Variants in TCEA3 observed in about 807,000 individuals in gnomAD.
TCEA3 encodes transcription elongation factor A3.
A neutral mutation model predicts 44.0 loss-of-function variants in TCEA3; 36 were observed. The observed-to-expected ratio is 0.82, with a 90% CI of 0.63 to 1.08. The LOEUF (loss-of-function observed/expected upper bound fraction) is 1.08, where lower values mean the gene tolerates loss of function less well. Among genes scored for constraint, TCEA3 ranks in the 50% least tolerant of loss-of-function variants. The probability of loss-of-function intolerance (pLI) is 0.00; values close to 1 mark genes in which losing one functional copy is unlikely to be tolerated. For synonymous variants in TCEA3, 162 were observed against 159.7 expected, an observed-to-expected ratio of 1.01 and a Z score of -0.11; for missense variants, 392 against 441.2, an observed-to-expected ratio of 0.89 and a Z score of 1.00.
At chr1:23,390,205 A>G (rs1372932511) in intron 8 of TCEA3, among the ~76,000 whole-genome samples, 2 of 152,186 alleles carry the variant, frequency 1.3e-5, no homozygotes, top group Non-Finnish European at 2.9e-5. Flanking sequence ...GCAGTGGCTC[A>G]CACATGTAAT....
At chr1:23,383,186 A>G (rs1362075914) in intron 10 of TCEA3, among the ~76,000 whole-genome samples, 3 of 151,358 alleles carry the variant, frequency 2.0e-5, no homozygotes, top group Non-Finnish European at 4.4e-5. Context: ...AGGCTGAGGC[A>G]GGAGAATGGT....
chr1:23,401,060 T>TGGAG (rs1170203860), intron 5 of TCEA3, among the ~76,000 whole-genome samples: 1 of 152,192 alleles, frequency 6.6e-6, no homozygotes, highest in Non-Finnish European at 1.5e-5. Flanking sequence ...ATCAACAACC[T>TGGAG]GGAGTTACCA....
chr1:23,394,816 G>T (rs1348632999), intron 7 of TCEA3, among the ~76,000 whole-genome samples: 2 of 152,240 alleles, frequency 1.3e-5, no homozygotes, highest in Non-Finnish European at 2.9e-5. Context: ...CTGGAAGCCA[G>T]ACCCCTCCTG....
At chr1:23,392,426 C>T (rs374861755) in intron 8 of TCEA3, among the ~76,000 whole-genome samples, 180 of 2,872 alleles carry the variant, frequency 0.063, no homozygotes, top group Non-Finnish European at 0.09. Flanking sequence ...AATACACACA[C>T]ACTCCACACA....
chr1:23,420,629 G>A (rs1255108501), intron 1 of TCEA3, among the ~76,000 whole-genome samples: 1 of 152,126 alleles, frequency 6.6e-6, no homozygotes, highest in Admixed American at 6.6e-5. Flanking sequence ...AAGCTTCTAG[G>A]TACATTCATT....
Position 23,424,667 on chromosome 1 carries a change from CA to C in TCEA3, c.-35del. On this transcript the variant is annotated 5_prime_UTR_variant, in exon 1 of 11. Coordinates refer to ENST00000450454, the MANE Select transcript of TCEA3 (RefSeq NM_003196.3). ...GCGACGCCCGGCGGGGCGAGGGGCA[CA>C]GGGGCAGCAGTAGGGCCTCGGGGGC... is the stretch of plus-strand genomic sequence containing the variant. 6.4e-7 allele frequency: 1 copy of C among 1,569,618 alleles called. No individual in the cohort carries two copies. The highest frequency in any genetic ancestry group is 8.7e-7 in the Non-Finnish European group (1 of 1,152,218).
rs1638666634 is a variant in TCEA3, at chr1:23,381,283, T to C, written c.*183A>G. The C allele has an allele frequency of 3.3e-6, 2 of 614,208 alleles. No individual in the cohort carries two copies. The highest frequency in any genetic ancestry group is 3.7e-5 in the African/African-American group (2 of 53,994). The allele number at this position is 614,208 out of a possible 1,614,324, so 38.0% of individuals were successfully genotyped here. A position where few individuals can be genotyped will look rare whatever the true frequency, so the allele number is the denominator to read the frequency against. The stretch of plus-strand genomic sequence containing the variant: ...ATCATTCTCCAATTAGGCTCCCCCA[T>C]TAACCAATTGTTTCTAATGACCGAT... On this transcript the variant is annotated 3_prime_UTR_variant, in exon 11 of 11. Coordinates refer to ENST00000450454, the MANE Select transcript of TCEA3 (RefSeq NM_003196.3).
At chr1:23,418,893 G>A (rs1031788405) in intron 2 of TCEA3, among the ~76,000 whole-genome samples, 184 bp downstream of exon 2, 6 of 146,738 alleles carry the variant, frequency 4.1e-5, no homozygotes, top group African/African-American at 1.5e-4. Flanking sequence ...TACCCTCTCC[G>A]CCCCCGAGAT....
chr1:23,385,845 G>C (rs685895), intron 9 of TCEA3, among the ~76,000 whole-genome samples: 127,617 of 152,214 alleles, frequency 0.84, 54,573 homozygotes, highest in Non-Finnish European at 0.91. Context: ...CAAGTTAGCT[G>C]GATTGCAGGC....
At chr1:23,397,216 C>G (rs1457971241) in intron 7 of TCEA3, among the ~76,000 whole-genome samples, 1 of 152,168 alleles carries the variant, frequency 6.6e-6, no homozygotes, top group African/African-American at 2.4e-5. Flanking sequence ...GATCCCATCT[C>G]TGCTACTACT....
intron 4 of TCEA3, among the ~76,000 whole-genome samples, chr1:23,409,911 C>T (rs1462692250): frequency 6.6e-6 from 1 of 151,958 alleles, no homozygotes; most frequent in African/African-American, 2.4e-5. Context: ...TCCACAAGAG[C>T]AGCATTTGGT....
chr1:23,405,789 T>C (rs1639527120), intron 5 of TCEA3, among the ~76,000 whole-genome samples: 1 of 152,194 alleles, frequency 6.6e-6, no homozygotes, highest in Non-Finnish European at 1.5e-5. Flanking sequence ...GAGAGGAGTC[T>C]GGAGGCTCAA....
intron 5 of TCEA3, among the ~76,000 whole-genome samples, chr1:23,400,488 CATGAG>C (rs1639367643): frequency 6.6e-6 from 1 of 151,428 alleles, no homozygotes; most frequent in Non-Finnish European, 1.5e-5. Flanking sequence ...AGATTACAGG[CATGAG>C]CCACTGTGCC....
At chr1:23,421,010 G>A (rs977535879) in intron 1 of TCEA3, among the ~76,000 whole-genome samples, 1 of 152,164 alleles carries the variant, frequency 6.6e-6, no homozygotes, top group Admixed American at 6.5e-5. Flanking sequence ...GCAGGACCTG[G>A]ACCATGTCCT....
At position 23,404,770 on chromosome 1, in the gene TCEA3, G is replaced by A. The variant is rs777474725; in HGVS notation, c.443+3894C>T. On this transcript the variant is annotated intron_variant, in intron 5 of 10. Coordinates refer to ENST00000450454, the MANE Select transcript of TCEA3 (RefSeq NM_003196.3). ...GCCCAGGAGTTCGAGACCAGCCTGG[G>A]CAACAAAGTGAGACTCTGTCTCTAC... is the stretch of plus-strand genomic sequence containing the variant. Among the ~76,000 whole-genome samples the A allele has an allele frequency of 5.3e-5, 8 of 151,934 alleles. No individual in the cohort carries two copies. In the South Asian group the frequency reaches 8.3e-4, roughly 16 times the overall value.
chr1:23,410,366 A>G (rs1267021436), intron 4 of TCEA3, among the ~76,000 whole-genome samples: 2 of 152,136 alleles, frequency 1.3e-5, no homozygotes, highest in African/African-American at 4.8e-5. Context: ...AATACTCCGC[A>G]GTTATTGCAA....
At chr1:23,408,581 C>T (rs1338218989) in intron 5 of TCEA3, 83 bp downstream of exon 5, 4 of 1,408,308 alleles carry the variant, frequency 2.8e-6, no homozygotes, top group African/African-American at 2.9e-5. Flanking sequence ...CTTTCCTCTG[C>T]CTTGGGCTTC....
chr1:23,409,577 C>G (rs181892990), intron 4 of TCEA3, among the ~76,000 whole-genome samples: 97 of 152,244 alleles, frequency 6.4e-4, no homozygotes, highest in Admixed American at 2.0e-3. Flanking sequence ...CAGAGTCTCA[C>G]TCTGTCACCC....
At chr1:23,384,270 G>T in intron 10 of TCEA3, 76 bp downstream of exon 10, 1 of 1,611,048 alleles carries the variant, frequency 6.2e-7, no homozygotes. Context: ...CCCCTTCTGG[G>T]TTGTGGGTAC....
Sources: allele counts gnomAD v4.1 joint callset (sites outside exome capture counted in the v4.1 genomes callset), GRCh38; gene constraint gnomAD v4.1.1; transcripts MANE v1.5; gene names NCBI Gene and HGNC (gene_info 2026-07-23, HGNC 2026-07-21).